Variants in LEF1 observed in about 807,000 individuals in gnomAD.
LEF1 encodes lymphoid enhancer binding factor 1, also known as lymphoid enhancer-binding factor 1.
LEF1 carries 14 observed loss-of-function variants against 51.2 expected under a neutral mutation model. The observed-to-expected ratio is 0.27, with a 90% CI of 0.18 to 0.43. The LOEUF (loss-of-function observed/expected upper bound fraction) is 0.43, where lower values mean the gene tolerates loss of function less well. LEF1 is among the 20% of genes least tolerant of loss of function. The pLI is 1.00. For synonymous variants in LEF1, 185 were observed against 183.2 expected, an observed-to-expected ratio of 1.01 and a Z score of -0.08; for missense variants, 386 against 512.0, an observed-to-expected ratio of 0.75 and a Z score of 2.37.
intron 2 of LEF1, among the ~76,000 whole-genome samples, chr4:108,164,358 T>C (rs1455170518): frequency 2.0e-5 from 3 of 152,296 alleles, no homozygotes; most frequent in South Asian, 2.1e-4. Flanking sequence ...AAGCCTAATA[T>C]ATAATTCTCT....
intron 4 of LEF1, among the ~76,000 whole-genome samples, chr4:108,084,811 G>A (rs1218107617): frequency 6.6e-6 from 1 of 151,982 alleles, no homozygotes; most frequent in Non-Finnish European, 1.5e-5. Context: ...ATTTTTTTGG[G>A]GTGGGGGAGT....
intron 8 of LEF1, among the ~76,000 whole-genome samples, chr4:108,078,013 T>C (rs1739023080): frequency 6.6e-6 from 1 of 151,690 alleles, no homozygotes; most frequent in Non-Finnish European, 1.5e-5. Context: ...TGTACTCCAG[T>C]CCAGCTTGGG....
chr4:108,115,646 A>G (rs1397209550), intron 3 of LEF1, among the ~76,000 whole-genome samples: 1 of 152,192 alleles, frequency 6.6e-6, no homozygotes, highest in East Asian at 1.9e-4. Flanking sequence ...AGAAATAGAT[A>G]AGACTAACCT....
At chr4:108,137,736 C>T (rs1273306327) in intron 3 of LEF1, among the ~76,000 whole-genome samples, 2 of 152,080 alleles carry the variant, frequency 1.3e-5, no homozygotes, top group Non-Finnish European at 2.9e-5. Flanking sequence ...TTTTGTGATT[C>T]AAAATATTTG....
chr4:108,140,927 T>C (rs1743605999), intron 3 of LEF1, among the ~76,000 whole-genome samples: 1 of 152,102 alleles, frequency 6.6e-6, no homozygotes. Context: ...AAAAATCATT[T>C]CCCCAAAAAG....
chr4:108,098,046 T>C (rs1740508249), intron 3 of LEF1, among the ~76,000 whole-genome samples: 2 of 152,054 alleles, frequency 1.3e-5, no homozygotes, highest in Admixed American at 6.6e-5. Flanking sequence ...GGGGGACAAA[T>C]TCCAGAAAGA....
chr4:108,118,034 T>C (rs993279330), intron 3 of LEF1, among the ~76,000 whole-genome samples: 2 of 152,296 alleles, frequency 1.3e-5, no homozygotes, highest in African/African-American at 2.4e-5. Flanking sequence ...GAGATTGCTA[T>C]CATTATTTCC....
rs557763222 is a variant in LEF1 at position 108,068,196 on chromosome 4, G to T, written c.1116+2467C>A. Among the ~76,000 whole-genome samples the T allele has an allele frequency of 2.0e-5, 3 of 152,234 alleles. No individual in the cohort carries two copies. In the East Asian group the frequency reaches 5.8e-4, roughly 29 times the overall value. ...GCTGGAGAATCGCTTAAACCTGGGAGACAGAGGTTGTGGTGAGCCGAGATC... is the reference window on the plus strand; with the variant it reads ...GCTGGAGAATCGCTTAAACCTGGGATACAGAGGTTGTGGTGAGCCGAGATC... On this transcript the variant is annotated intron_variant, in intron 9 of 11. Coordinates refer to ENST00000265165, the MANE Select transcript of LEF1 (RefSeq NM_016269.5).
intron 3 of LEF1, among the ~76,000 whole-genome samples, chr4:108,097,384 TAA>T (rs1253313137): frequency 6.6e-6 from 1 of 152,106 alleles, no homozygotes; most frequent in Non-Finnish European, 1.5e-5. Context: ...AGCTAAAAAT[TAA>T]AACAGTTGAA....
intron 8 of LEF1, 46 bp from the exon 9 acceptor site, chr4:108,070,816 G>A (rs369312312): frequency 1.6e-6 from 2 of 1,233,334 alleles, no homozygotes; most frequent in Non-Finnish European, 2.4e-6. Context: ...AAGCAAAATA[G>A]CAATAGCATA....
At chr4:108,055,766 G>T (rs139660579) in intron 11 of LEF1, among the ~76,000 whole-genome samples, 40 of 152,208 alleles carry the variant, frequency 2.6e-4, no homozygotes, top group African/African-American at 9.2e-4. Flanking sequence ...CTACCTGAGG[G>T]TCTATTTCTC....
chr4:108,070,628 G>C (rs1738413366), intron 9 of LEF1, 35 bp downstream of exon 9: 1 of 1,352,258 alleles, frequency 7.4e-7, no homozygotes, highest in East Asian at 2.3e-5. Flanking sequence ...GAATGAGTGA[G>C]AGTGGAGAGC....
intron 3 of LEF1, among the ~76,000 whole-genome samples, chr4:108,143,776 C>G (rs1743823830): frequency 6.6e-6 from 1 of 152,148 alleles, no homozygotes; most frequent in African/African-American, 2.4e-5. Context: ...TTGAGAGAGG[C>G]ACTCCAGTGG....
intron 3 of LEF1, among the ~76,000 whole-genome samples, chr4:108,114,654 A>C (rs1741725695): frequency 6.6e-6 from 1 of 152,198 alleles, no homozygotes; most frequent in Admixed American, 6.5e-5. Flanking sequence ...ATGGGACTTA[A>C]TGTCTGAGGA....
intron 2 of LEF1, among the ~76,000 whole-genome samples, chr4:108,164,754 G>C (rs781187905): frequency 6.6e-6 from 1 of 151,956 alleles, no homozygotes. Context: ...ATATACTGTC[G>C]TTCTTCTTAA....
intron 11 of LEF1, among the ~76,000 whole-genome samples, chr4:108,056,962 T>C: frequency 6.8e-6 from 1 of 147,968 alleles, no homozygotes; most frequent in East Asian, 2.0e-4. Context: ...CTGAGCAGGG[T>C]GCAGAAGTTT....
At chr4:108,088,318 C>T (rs1359052102) in intron 4 of LEF1, among the ~76,000 whole-genome samples, 3 of 152,200 alleles carry the variant, frequency 2.0e-5, no homozygotes, top group African/African-American at 7.2e-5. Flanking sequence ...TCTGCCTTCA[C>T]ATTTTTTAAA....
At chr4:108,101,215 A>C (rs911431679) in intron 3 of LEF1, among the ~76,000 whole-genome samples, 5 of 152,186 alleles carry the variant, frequency 3.3e-5, no homozygotes, top group Non-Finnish European at 7.3e-5. Flanking sequence ...TTATTTTAGA[A>C]AGTTATCCAT....
At chr4:108,154,655 T>G (rs1744579779) in intron 3 of LEF1, among the ~76,000 whole-genome samples, 1 of 152,164 alleles carries the variant, frequency 6.6e-6, no homozygotes, top group Non-Finnish European at 1.5e-5. Context: ...ACTTCATATT[T>G]TGGTTTTGTT....
Sources: allele counts gnomAD v4.1 joint callset (sites outside exome capture counted in the v4.1 genomes callset), GRCh38; gene constraint gnomAD v4.1.1; transcripts MANE v1.5; gene names NCBI Gene and HGNC (gene_info 2026-07-23, HGNC 2026-07-21).